The following ABCC9 variants were observed in gnomAD, a reference collection of about 807,000 sequenced individuals.
ABCC9 encodes the protein ATP binding cassette subfamily C member 9.
In ABCC9, 95 loss-of-function variants were observed where a neutral mutation model predicts 188.3. That is an observed-to-expected ratio of 0.50 (90% confidence interval 0.43 to 0.60). The LOEUF is 0.60. ABCC9 is among the 20% of genes least tolerant of loss of function. The pLI is 0.00. For missense variants in ABCC9, 1,102 were observed against 1,876.3 expected, an observed-to-expected ratio of 0.59 and a Z score of 7.62; for synonymous variants, 659 against 652.7, an observed-to-expected ratio of 1.01 and a Z score of -0.15.
rs1943555710 is a variant in ABCC9 at position 21,828,987 on chromosome 12, C to T, written c.3640G>A (p.Ala1214Thr). Residue 1214 changes from alanine (A) to threonine (T), a missense_variant, in exon 31 of 40, where the codon GCT (alanine) becomes ACT (threonine). Coordinates refer to ENST00000261200, the MANE Select transcript of ABCC9 (RefSeq NM_020297.4). ...CTGACCTCCAGCCATCTGTTGGCAGCTGAGAGAAATAAGTAGGCAATGTTG... is the reference window on the plus strand; with the variant it reads ...CTGACCTCCAGCCATCTGTTGGCAGTTGAGAGAAATAAGTAGGCAATGTTG... ...TNNIAYLFLSAANRWLEVRTD... is the reference protein window; with the variant it reads ...TNNIAYLFLSTANRWLEVRTD... 1 of 1,613,974 alleles carries T rather than the reference C, an allele frequency of 6.2e-7. No individual in the cohort carries two copies. Among genetic ancestry groups the T allele is most frequent in the Non-Finnish European group, 8.5e-7 (1 of 1,179,952 alleles).
At chr12:21,917,539 CCCTGGAATTAT>C (rs1459569735) in intron 5 of ABCC9, among the ~76,000 whole-genome samples, 13 of 152,060 alleles carry the variant, frequency 8.5e-5, no homozygotes, top group African/African-American at 3.1e-4. Context: ...CATGGTATTA[CCCTGGAATTAT>C]CATGGAATTC....
At chr12:21,905,180 C>T (rs1947976969) in intron 12 of ABCC9, among the ~76,000 whole-genome samples, 1 of 152,036 alleles carries the variant, frequency 6.6e-6, no homozygotes, top group Non-Finnish European at 1.5e-5. Context: ...GACAAAAAAC[C>T]AAACACCACA....
chr12:21,853,183 G>A (rs1047065581), intron 22 of ABCC9, among the ~76,000 whole-genome samples: 3 of 151,990 alleles, frequency 2.0e-5, no homozygotes, highest in Admixed American at 1.3e-4. Context: ...GCATGGTGTC[G>A]TGGGCTTGTA....
At chr12:21,861,211 A>G (rs913829933) in intron 20 of ABCC9, among the ~76,000 whole-genome samples, 156 bp from the exon 21 acceptor site, 3 of 149,558 alleles carry the variant, frequency 2.0e-5, no homozygotes, top group Non-Finnish European at 2.9e-5. Context: ...ACAAAGATAC[A>G]TAAGTACTAC....
intron 12 of ABCC9, among the ~76,000 whole-genome samples, chr12:21,897,681 C>T (rs1399297876): frequency 2.6e-5 from 4 of 152,166 alleles, no homozygotes; most frequent in Non-Finnish European, 5.9e-5. Flanking sequence ...AACTCACCAC[C>T]AACAAGATTG....
At chr12:21,856,173 A>G (rs1240638099) in intron 22 of ABCC9, among the ~76,000 whole-genome samples, 1 of 152,158 alleles carries the variant, frequency 6.6e-6, no homozygotes, top group Non-Finnish European at 1.5e-5. Flanking sequence ...TTTTTGTCAA[A>G]TATAACCTTT....
intron 16 of ABCC9, among the ~76,000 whole-genome samples, chr12:21,880,936 A>G (rs1946587332): frequency 6.6e-6 from 1 of 152,218 alleles, no homozygotes; most frequent in African/African-American, 2.4e-5. Context: ...GTATATTTAT[A>G]GAATGGAACA....
In ABCC9 at chr12:21,848,330, G is replaced by C. The variant is rs1334499362; in HGVS notation, c.2770-84C>G. ...AATGAATGACTCACACGTGTAAATGGTTAGTTACCTTTACCAATCTCAAGC... is the reference window on the plus strand; with the variant it reads ...AATGAATGACTCACACGTGTAAATGCTTAGTTACCTTTACCAATCTCAAGC... On this transcript the variant is annotated intron_variant, in intron 24 of 39. Transcript: ENST00000261200. 9 of 1,205,248 alleles carry C rather than the reference G, an allele frequency of 7.5e-6. No homozygotes were observed. The East Asian group carries it at 2.1e-4, about 29-fold the overall frequency. The allele number at this position is 1,205,248 out of a possible 1,614,324, so 74.7% of individuals were successfully genotyped here. A position where few individuals can be genotyped will look rare whatever the true frequency, so the allele number is the denominator to read the frequency against.
chr12:21,875,099 A>G (rs1219587952), intron 17 of ABCC9, among the ~76,000 whole-genome samples: 1 of 148,002 alleles, frequency 6.8e-6, no homozygotes, highest in Admixed American at 6.9e-5. Flanking sequence ...GCAGAAGAAC[A>G]CAAGGAAATT....
intron 16 of ABCC9, among the ~76,000 whole-genome samples, chr12:21,882,114 G>A (rs1428949996): frequency 6.6e-6 from 1 of 152,146 alleles, no homozygotes; most frequent in African/African-American, 2.4e-5. Context: ...AGGCTGTGCA[G>A]GAGAATTGGA....
chr12:21,899,397 G>A (rs992290956), intron 12 of ABCC9, among the ~76,000 whole-genome samples: 5 of 152,186 alleles, frequency 3.3e-5, no homozygotes, highest in African/African-American at 9.6e-5. Context: ...TGCAGAAGAC[G>A]GGTGACTTCT....
At chr12:21,920,420 CATTTT>C (rs1312445152) in intron 5 of ABCC9, among the ~76,000 whole-genome samples, 3 of 151,812 alleles carry the variant, frequency 2.0e-5, no homozygotes, top group African/African-American at 4.8e-5. Context: ...CATACAAAAT[CATTTT>C]ATTTTATTTT....
At position 21,861,049 on chromosome 12, in the gene ABCC9, T is replaced by C. The variant is rs1461947954; in HGVS notation, c.2346A>G (p.Lys782=). The part of the protein sequence containing the change: ...FGSPFNKQRY[K]AVTDACSLQP... ...GAAGAGAACAGGCATCTGTGACAGCTTTGTACCTTTGGGAGAAATGATTTT... is the reference window on the plus strand; with the variant it reads ...GAAGAGAACAGGCATCTGTGACAGCCTTGTACCTTTGGGAGAAATGATTTT... Residue 782 remains lysine (K), a synonymous_variant, in exon 21 of 40, where the codon AAA becomes AAG. Coordinates refer to ENST00000261200, the MANE Select transcript of ABCC9 (RefSeq NM_020297.4). The C allele has an allele frequency of 6.2e-7, 1 of 1,613,132 alleles. No individual in the cohort carries two copies. The highest frequency in any genetic ancestry group is 1.3e-5 in the African/African-American group (1 of 74,894).
At chr12:21,845,002 G>A (rs1453362599) in intron 26 of ABCC9, 87 bp from the exon 27 acceptor site, 2 of 1,495,568 alleles carry the variant, frequency 1.3e-6, no homozygotes, top group Non-Finnish European at 1.8e-6. Context: ...TGTCAGACAA[G>A]ATTGTTTTCT....
intron 14 of ABCC9, among the ~76,000 whole-genome samples, chr12:21,892,260 T>C (rs1947194055): frequency 6.6e-6 from 1 of 152,070 alleles, no homozygotes; most frequent in Non-Finnish European, 1.5e-5. Flanking sequence ...CCCTAGATTG[T>C]TTTCATTTTT....
intron 4 of ABCC9, among the ~76,000 whole-genome samples, chr12:21,931,403 A>G (rs547613866): frequency 1.2e-4 from 19 of 152,194 alleles, no homozygotes; most frequent in Middle Eastern, 3.4e-3. Flanking sequence ...TTATTAAAAA[A>G]AAAAAAGAAG....
At chr12:21,878,082 C>T (rs561336001) in intron 16 of ABCC9, among the ~76,000 whole-genome samples, 1 of 152,166 alleles carries the variant, frequency 6.6e-6, no homozygotes, top group African/African-American at 2.4e-5. Flanking sequence ...TTGTCAGTGA[C>T]TGACTAGTCT....
At chr12:21,915,514 A>ATATATATATATATATTTTTTTTTT in intron 7 of ABCC9, among the ~76,000 whole-genome samples, 154 bp downstream of exon 7, 1 of 3,522 alleles carries the variant, frequency 2.8e-4, no homozygotes, top group African/African-American at 1.1e-3. Context: ...ATATATATAT[A>ATATATATATATATATTTTTTTTTT]TTTTTTTTTT....
At chr12:21,801,290 G>T in intron 39 of ABCC9, 109 bp from the exon 40 acceptor site, 1 of 1,390,680 alleles carries the variant, frequency 7.2e-7, no homozygotes, top group Non-Finnish European at 1.0e-6. Context: ...TTATCTTGGT[G>T]AGTGACAAGA....
Sources: allele counts gnomAD v4.1 joint callset (sites outside exome capture counted in the v4.1 genomes callset), GRCh38; gene constraint gnomAD v4.1.1; transcripts MANE v1.5; gene names NCBI Gene and HGNC (gene_info 2026-07-23, HGNC 2026-07-21).